Variants in PAG1 observed in about 807,000 individuals in gnomAD.
The protein encoded by PAG1 is phosphoprotein associated with glycosphingolipid-enriched microdomains 1.
Under a neutral mutation model 31.7 loss-of-function variants are expected in PAG1, and 23 were observed. The ratio of observed to expected loss-of-function variants is 0.73; its 90% confidence interval spans 0.52 to 1.03. PAG1 has a LOEUF of 1.03. Ranked by LOEUF, PAG1 falls within the 50% of genes least tolerant of loss-of-function variation. The pLI is 0.00. For synonymous variants in PAG1, 214 were observed against 210.3 expected (o/e 1.02, Z -0.15); for missense variants, 473 against 540.7 (o/e 0.87, Z 1.24).
intron 3 of PAG1, among the ~76,000 whole-genome samples, chr8:80,999,650 C>T (rs74878925): frequency 0.011 from 1,688 of 152,316 alleles, 30 homozygotes; most frequent in African/African-American, 0.039. Flanking sequence ...ACCTATCGAT[C>T]TGCACAGAAA....
intron 3 of PAG1, among the ~76,000 whole-genome samples, chr8:81,006,994 A>T (rs1807890963): frequency 6.6e-6 from 1 of 152,224 alleles, no homozygotes; most frequent in South Asian, 2.1e-4. Flanking sequence ...GAGACCAAGG[A>T]AAGTCTTCAG....
At chr8:81,107,070 G>T (rs987827757) in intron 1 of PAG1, among the ~76,000 whole-genome samples, 1 of 151,946 alleles carries the variant, frequency 6.6e-6, no homozygotes, top group South Asian at 2.1e-4. Context: ...TGAGAATGAT[G>T]CAAGTATGTG....
At chr8:81,037,854 T>C (rs1808485912) in intron 2 of PAG1, among the ~76,000 whole-genome samples, 1 of 152,256 alleles carries the variant, frequency 6.6e-6, no homozygotes, top group Non-Finnish European at 1.5e-5. Flanking sequence ...AAAGTAAATA[T>C]TATTCCAGTC....
At chr8:81,005,993 A>G (rs549983189) in intron 3 of PAG1, among the ~76,000 whole-genome samples, 1 of 152,242 alleles carries the variant, frequency 6.6e-6, no homozygotes, top group East Asian at 1.9e-4. Flanking sequence ...CCCAGGCTGG[A>G]GTGCAGTGGC....
In PAG1 at chr8:80,976,588, T is replaced by C. The variant is rs764399319; in HGVS notation, c.1255A>G (p.Ser419Gly). The C allele has an allele frequency of 6.2e-7, 1 of 1,613,884 alleles. No homozygotes were observed. The highest frequency in any genetic ancestry group is 8.5e-7 in the Non-Finnish European group (1 of 1,179,952). ...GLVPKENDYE[S>G]ISDLQQGRDI... Reference sequence around the variant, plus strand: ...CTGCCTTGCTGCAAGTCACTTATGCTCTCGTAGTCGTTCTCCTTTGGGACG... The same window carrying C: ...CTGCCTTGCTGCAAGTCACTTATGCCCTCGTAGTCGTTCTCCTTTGGGACG... Residue 419 changes from serine (S) to glycine (G), a missense_variant, in exon 9 of 9, where the codon AGC (serine) becomes GGC (glycine). Transcript: ENST00000220597.
intron 2 of PAG1, among the ~76,000 whole-genome samples, chr8:81,055,065 C>CT (rs1249173701): frequency 1.4e-5 from 2 of 142,618 alleles, no homozygotes; most frequent in South Asian, 2.2e-4. Flanking sequence ...GAATTAATTT[C>CT]TTTTTTTTTC....
intron 1 of PAG1, among the ~76,000 whole-genome samples, chr8:81,110,325 T>C (rs1350768939): frequency 1.3e-5 from 2 of 152,246 alleles, no homozygotes; most frequent in Non-Finnish European, 2.9e-5. Flanking sequence ...AATATTCCTC[T>C]TATTTATAAT....
At chr8:80,986,176 T>C (rs1807415810) in intron 6 of PAG1, among the ~76,000 whole-genome samples, 1 of 152,126 alleles carries the variant, frequency 6.6e-6, no homozygotes. Flanking sequence ...TCTGGGGGAA[T>C]TAGAAATAGT....
chr8:80,979,000 A>G (rs1372845647), intron 8 of PAG1, among the ~76,000 whole-genome samples: 1 of 152,176 alleles, frequency 6.6e-6, no homozygotes, highest in Non-Finnish European at 1.5e-5. Flanking sequence ...AATTGGGGTA[A>G]TAGAACTTAA....
intron 2 of PAG1, among the ~76,000 whole-genome samples, chr8:81,063,430 T>C (rs1395646141): frequency 6.6e-6 from 1 of 152,214 alleles, no homozygotes; most frequent in East Asian, 1.9e-4. Flanking sequence ...AGTGAGCACC[T>C]CTGGCCACCT....
chr8:81,035,041 G>A (rs941017798), intron 2 of PAG1, among the ~76,000 whole-genome samples: 4 of 152,132 alleles, frequency 2.6e-5, no homozygotes, highest in East Asian at 1.9e-4. Flanking sequence ...TTTGGGTGTC[G>A]GTGGTGGCGG....
chr8:81,017,978 T>A (rs1808100742), intron 3 of PAG1, among the ~76,000 whole-genome samples: 2 of 152,228 alleles, frequency 1.3e-5, no homozygotes, highest in Admixed American at 6.5e-5. Context: ...AAACCCTTTT[T>A]ATATGTCTAT....
chr8:81,082,167 T>G (rs1809277693), intron 1 of PAG1, among the ~76,000 whole-genome samples: 1 of 148,128 alleles, frequency 6.8e-6, no homozygotes, highest in Non-Finnish European at 1.5e-5. Context: ...GCATGAGAAT[T>G]ACTTGAACCT....
chr8:81,103,973 T>C (rs112888756), intron 1 of PAG1, among the ~76,000 whole-genome samples: 37 of 152,276 alleles, frequency 2.4e-4, no homozygotes, highest in Admixed American at 4.6e-4. Flanking sequence ...AAATAAGAAA[T>C]GATAATTCTA....
At chr8:81,081,448 T>C (rs1809265069) in intron 1 of PAG1, among the ~76,000 whole-genome samples, 1 of 152,186 alleles carries the variant, frequency 6.6e-6, no homozygotes, top group Non-Finnish European at 1.5e-5. Flanking sequence ...TTTCCCTCAC[T>C]GGTAACTTCT....
chr8:81,104,487 C>T (rs1425302054), intron 1 of PAG1, among the ~76,000 whole-genome samples: 2 of 151,700 alleles, frequency 1.3e-5, no homozygotes, highest in Admixed American at 6.6e-5. Flanking sequence ...ATTTCCAGTT[C>T]GGCCTCCGTT....
chr8:81,020,626 C>G (rs1347126122), intron 3 of PAG1, among the ~76,000 whole-genome samples: 1 of 152,172 alleles, frequency 6.6e-6, no homozygotes, highest in African/African-American at 2.4e-5. Flanking sequence ...TCCATTAAAC[C>G]TCTTTCCTTT....
chr8:80,997,295 T>G (rs1299473688), intron 3 of PAG1, among the ~76,000 whole-genome samples: 1 of 152,214 alleles, frequency 6.6e-6, no homozygotes, highest in Non-Finnish European at 1.5e-5. Context: ...TTCTTTTTTT[T>G]GAGACAGGGT....
intron 2 of PAG1, among the ~76,000 whole-genome samples, chr8:81,039,829 T>C (rs1198727670): frequency 2.0e-5 from 3 of 152,236 alleles, no homozygotes; most frequent in Non-Finnish European, 2.9e-5. Context: ...CAATTCATTA[T>C]ACAATTTCAA....
Sources: gnomAD v4.1 joint callset for allele counts (sites outside exome capture counted in the v4.1 genomes callset) on GRCh38, gnomAD v4.1.1 for gene constraint, MANE v1.5 for transcripts, NCBI Gene and HGNC (gene_info 2026-07-23, HGNC 2026-07-21) for gene names.